The following KCNIP4 variants were observed in gnomAD, a reference collection of about 807,000 sequenced individuals.
The protein encoded by KCNIP4 is potassium voltage-gated channel interacting protein 4.
A neutral mutation model predicts 34.0 loss-of-function variants in KCNIP4; 12 were observed. That is an observed-to-expected ratio of 0.35 (90% CI 0.23 to 0.57). KCNIP4 has a LOEUF of 0.57. Among genes scored for constraint, KCNIP4 ranks in the 20% least tolerant of loss-of-function variants. The pLI, the probability that KCNIP4 is intolerant of heterozygous loss-of-function variation, is 0.83. For synonymous variants in KCNIP4, 124 were observed against 102.2 expected (o/e 1.21, Z -1.29); for missense variants, 238 against 311.7 (o/e 0.76, Z 1.78).
chr4:21,839,530 G>T (rs920454882), intron 1 of KCNIP4, among the ~76,000 whole-genome samples: 1 of 152,180 alleles, frequency 6.6e-6, no homozygotes, highest in Non-Finnish European at 1.5e-5. Flanking sequence ...GAGGTGGGTG[G>T]ATCGCCTGAG....
chr4:21,538,374 T>C (rs1450509614), intron 1 of KCNIP4, among the ~76,000 whole-genome samples: 1 of 152,310 alleles, frequency 6.6e-6, no homozygotes, highest in East Asian at 1.9e-4. Flanking sequence ...CAAGGTGCTA[T>C]GCTCAGCGTT....
chr4:21,139,216 G>A (rs1349663942), intron 1 of KCNIP4, among the ~76,000 whole-genome samples: 2 of 152,308 alleles, frequency 1.3e-5, no homozygotes, highest in African/African-American at 2.4e-5. Context: ...TGCAGCCTGA[G>A]CTGCCATAGG....
At chr4:20,777,883 G>C (rs1053143775) in intron 3 of KCNIP4, among the ~76,000 whole-genome samples, 3 of 152,180 alleles carry the variant, frequency 2.0e-5, no homozygotes, top group Non-Finnish European at 2.9e-5. Flanking sequence ...TAGCACATAG[G>C]TATAGAGATC....
chr4:21,629,873 C>G (rs1455378466), intron 1 of KCNIP4, among the ~76,000 whole-genome samples: 1 of 13,718 alleles, frequency 7.3e-5, no homozygotes, highest in African/African-American at 6.7e-4. Flanking sequence ...TTTTTTGAGA[C>G]AGGGTCTTGC....
intron 1 of KCNIP4, among the ~76,000 whole-genome samples, chr4:21,753,123 A>G (rs892355719): frequency 5.3e-5 from 8 of 152,166 alleles, no homozygotes; most frequent in Admixed American, 2.0e-4. Context: ...AATATCTGGC[A>G]TGTTTGAGTG....
At chr4:21,395,499 G>A (rs1722908933) in intron 1 of KCNIP4, among the ~76,000 whole-genome samples, 1 of 151,968 alleles carries the variant, frequency 6.6e-6, no homozygotes, top group South Asian at 2.1e-4. Context: ...TAGCTTGCTA[G>A]TTCATTTATT....
At chr4:21,071,465 C>T (rs1744914485) in intron 1 of KCNIP4, among the ~76,000 whole-genome samples, 1 of 152,040 alleles carries the variant, frequency 6.6e-6, no homozygotes, top group Non-Finnish European at 1.5e-5. Context: ...TTCTGCCATA[C>T]CACACAGGAC....
At chr4:21,430,473 C>T (rs1179888946) in intron 1 of KCNIP4, among the ~76,000 whole-genome samples, 1 of 152,000 alleles carries the variant, frequency 6.6e-6, no homozygotes, top group Non-Finnish European at 1.5e-5. Flanking sequence ...CCGCTATCAA[C>T]ATAGTACAGC....
chr4:21,367,526 G>C (rs1287518661), intron 1 of KCNIP4, among the ~76,000 whole-genome samples: 5 of 148,198 alleles, frequency 3.4e-5, no homozygotes, highest in Admixed American at 6.6e-5. Flanking sequence ...CAAAACCAAG[G>C]CTGGGTCAGG....
intron 1 of KCNIP4, among the ~76,000 whole-genome samples, chr4:21,392,046 A>C (rs1412720222): frequency 2.0e-5 from 3 of 152,194 alleles, no homozygotes; most frequent in Non-Finnish European, 2.9e-5. Flanking sequence ...TCTAGATTAC[A>C]AAAAAGGTAT....
At chr4:21,803,446 T>C (rs761881635) in intron 1 of KCNIP4, among the ~76,000 whole-genome samples, 1 of 152,158 alleles carries the variant, frequency 6.6e-6, no homozygotes, top group Non-Finnish European at 1.5e-5. Flanking sequence ...CTTTGTACAA[T>C]GCACTGTGAT....
intron 1 of KCNIP4, among the ~76,000 whole-genome samples, chr4:21,323,786 G>A (rs1475519297): frequency 1.3e-5 from 2 of 151,848 alleles, no homozygotes; most frequent in East Asian, 3.9e-4. Context: ...TGGAATTTAT[G>A]GATCAAATGA....
chr4:21,190,821 TACATTTAGA>T (rs1755590067), intron 1 of KCNIP4, among the ~76,000 whole-genome samples: 1 of 152,202 alleles, frequency 6.6e-6, no homozygotes, highest in East Asian at 1.9e-4. Context: ...AATGTGTAAT[TACATTTAGA>T]TGGCGCAGCT....
At chr4:21,699,379 C>T (rs1712641408) in intron 1 of KCNIP4, among the ~76,000 whole-genome samples, 1 of 152,064 alleles carries the variant, frequency 6.6e-6, no homozygotes, top group South Asian at 2.1e-4. Flanking sequence ...GCAGCTTACA[C>T]CTAAACAAAG....
At chr4:21,840,982 A>G (rs1723642850) in intron 1 of KCNIP4, among the ~76,000 whole-genome samples, 1 of 152,178 alleles carries the variant, frequency 6.6e-6, no homozygotes, top group South Asian at 2.1e-4. Flanking sequence ...TTCCTAACAG[A>G]GCTCCATCTG....
At chr4:21,456,473 T>C (rs1728964201) in intron 1 of KCNIP4, among the ~76,000 whole-genome samples, 1 of 148,382 alleles carries the variant, frequency 6.7e-6, no homozygotes, top group South Asian at 2.1e-4. Context: ...TACCCACCTA[T>C]ATATTTTCTT....
chr4:21,555,282 A>G (rs915737858), intron 1 of KCNIP4, among the ~76,000 whole-genome samples: 2 of 152,100 alleles, frequency 1.3e-5, no homozygotes, highest in Non-Finnish European at 1.5e-5. Flanking sequence ...CGTAACTGTG[A>G]TGTACTGAGT....
chr4:20,950,344 A>G (rs924797017), intron 1 of KCNIP4, among the ~76,000 whole-genome samples: 24 of 152,078 alleles, frequency 1.6e-4, no homozygotes, highest in Non-Finnish European at 3.2e-4. Flanking sequence ...ACTTTGAGTC[A>G]TGATGTTGAG....
Position 21,183,440 on chromosome 4 carries a change from C to T in KCNIP4, c.62-300731G>A, listed in dbSNP as rs553035047. Among the ~76,000 whole-genome samples the T allele has an allele frequency of 3.4e-5, 5 of 148,050 alleles. No individual in the cohort carries two copies. In the South Asian group the frequency reaches 1.1e-3, roughly 31 times the overall value. On this transcript the variant is annotated intron_variant, in intron 1 of 8. Coordinates refer to ENST00000382152, the MANE Select transcript of KCNIP4 (RefSeq NM_025221.6). ...TTTTAATTTTTGGAGGAACTTTATG[C>T]AGTTTTCTGTAATGGCTGTGTTGTT...
Sources: gnomAD v4.1 joint callset for allele counts (sites outside exome capture counted in the v4.1 genomes callset) on GRCh38, gnomAD v4.1.1 for gene constraint, MANE v1.5 for transcripts, NCBI Gene and HGNC (gene_info 2026-07-23, HGNC 2026-07-21) for gene names.